Variants in SLC22A15 observed in about 807,000 individuals in gnomAD.
The protein encoded by SLC22A15 is solute carrier family 22 member 15.
Under a neutral mutation model 62.7 loss-of-function variants are expected in SLC22A15, and 45 were observed. The observed-to-expected ratio is 0.72, with a 90% CI of 0.56 to 0.92. SLC22A15 has a LOEUF of 0.92. SLC22A15 is among the 40% of genes least tolerant of loss of function. The pLI, the probability that SLC22A15 is intolerant of heterozygous loss-of-function variation, is 0.00. For missense variants in SLC22A15, 622 were observed against 665.6 expected (o/e 0.93, Z 0.72); for synonymous variants, 264 against 267.0 (o/e 0.99, Z 0.11).
intron 8 of SLC22A15, among the ~76,000 whole-genome samples, chr1:116,045,826 G>A (rs535990352): frequency 4.7e-5 from 7 of 150,456 alleles, no homozygotes; most frequent in Non-Finnish European, 8.9e-5. Flanking sequence ...ATAGATAATG[G>A]AACAGAATTG....
At chr1:116,051,594 G>A (rs79136849) in intron 8 of SLC22A15, among the ~76,000 whole-genome samples, 1,995 of 152,170 alleles carry the variant, frequency 0.013, 51 homozygotes, top group African/African-American at 0.043. Flanking sequence ...ATCTAAGACC[G>A]GAAACTATAA....
At chr1:116,016,070 CTCTT>C (rs1390905996) in intron 2 of SLC22A15, among the ~76,000 whole-genome samples, 3 of 152,110 alleles carry the variant, frequency 2.0e-5, no homozygotes, top group South Asian at 4.2e-4. Flanking sequence ...AACTTTCTTT[CTCTT>C]TCTTTTTCTT....
intron 8 of SLC22A15, among the ~76,000 whole-genome samples, chr1:116,061,440 G>A (rs1658376096): frequency 6.6e-6 from 1 of 152,148 alleles, no homozygotes; most frequent in Non-Finnish European, 1.5e-5. Context: ...TTGGTGATGA[G>A]GACATTGCTG....
intron 1 of SLC22A15, among the ~76,000 whole-genome samples, chr1:115,988,505 G>A (rs1332616303): frequency 2.0e-5 from 3 of 152,068 alleles, no homozygotes; most frequent in Non-Finnish European, 4.4e-5. Context: ...TATGACCCTT[G>A]TGTAAGTGAC....
intron 6 of SLC22A15, among the ~76,000 whole-genome samples, chr1:116,033,841 G>T (rs1657534118): frequency 6.6e-6 from 1 of 152,138 alleles, no homozygotes; most frequent in Non-Finnish European, 1.5e-5. Flanking sequence ...CCTGCCCGTT[G>T]TCCTTGGTAT....
rs758196577 is a variant in SLC22A15 at position 116,020,866 on chromosome 1, C to T, written c.579C>T (p.Thr193=). 7 of 1,611,566 alleles carry T rather than the reference C, an allele frequency of 4.3e-6. No individual in the cohort carries two copies. Among genetic ancestry groups the T allele is most frequent in the South Asian group, 1.1e-5 (1 of 90,758 alleles). ...AFVLLNECVG[T]AYWALAGSIG... The stretch of plus-strand genomic sequence containing the variant: ...TCTTGCTTAATGAATGTGTGGGCAC[C>T]GCCTACTGGGCACTTGCAGGTACTA... Residue 193 remains threonine (T), a synonymous_variant, in exon 4 of 12, where the codon ACC becomes ACT. Transcript: ENST00000369503.
intron 1 of SLC22A15, among the ~76,000 whole-genome samples, chr1:115,989,637 TG>T: frequency 6.6e-6 from 1 of 152,112 alleles, no homozygotes; most frequent in Non-Finnish European, 1.5e-5. Context: ...AAAAATTAGC[TG>T]GATGCATTGG....
At chr1:115,992,477 T>C (rs1339040252) in intron 2 of SLC22A15, among the ~76,000 whole-genome samples, 5 of 152,192 alleles carry the variant, frequency 3.3e-5, no homozygotes, top group African/African-American at 9.6e-5. Context: ...GATGAAAAGA[T>C]ACAAACTCCA....
At chr1:116,046,607 A>G (rs954550364) in intron 8 of SLC22A15, among the ~76,000 whole-genome samples, 1 of 152,152 alleles carries the variant, frequency 6.6e-6, no homozygotes, top group Non-Finnish European at 1.5e-5. Context: ...GGCTCGCATC[A>G]TGAACTTTAG....
In SLC22A15 at chr1:116,019,730, A is replaced by G; in HGVS notation, c.433+16A>G. On this transcript the variant is annotated intron_variant, in intron 3 of 11. Coordinates refer to ENST00000369503, the MANE Select transcript of SLC22A15 (RefSeq NM_018420.3). ...TATCTCACAGGTAATCTATTAGAGT[A>G]TTCATAAACTGGATGAGAGGGCTTA... 1 of 1,598,090 alleles carries G rather than the reference A, an allele frequency of 6.3e-7. No homozygotes were observed. Among genetic ancestry groups the G allele is most frequent in the Non-Finnish European group, 8.5e-7 (1 of 1,175,882 alleles).
At chr1:116,004,053 T>C (rs745856473) in intron 2 of SLC22A15, among the ~76,000 whole-genome samples, 1 of 152,228 alleles carries the variant, frequency 6.6e-6, no homozygotes, top group Non-Finnish European at 1.5e-5. Flanking sequence ...TTATCATGAC[T>C]GCTTCCTTAC....
At chr1:116,053,633 A>T (rs1404757642) in intron 8 of SLC22A15, among the ~76,000 whole-genome samples, 3 of 152,194 alleles carry the variant, frequency 2.0e-5, no homozygotes, top group Non-Finnish European at 4.4e-5. Context: ...TGAAGGAAAA[A>T]ATGTTAAGGG....
chr1:116,066,759 A>G, intron 11 of SLC22A15, 51 bp downstream of exon 11: 1 of 1,507,080 alleles, frequency 6.6e-7, no homozygotes, highest in Non-Finnish European at 8.9e-7. Context: ...GCAGTTAATG[A>G]AAAAAAGAAG....
At position 116,019,660 on chromosome 1, in the gene SLC22A15, A is replaced by G. The variant is rs374806330; in HGVS notation, c.379A>G (p.Ile127Val). The G allele has an allele frequency of 1.2e-6, 2 of 1,613,684 alleles. No individual in the cohort carries two copies. Among genetic ancestry groups the G allele is most frequent in the South Asian group, 2.2e-5 (2 of 90,996 alleles). The change falls in exon 3 of 12, where the codon ATC becomes GTC. Residue 127 changes from isoleucine to valine, a missense_variant. Physicochemically the swap from Ile to Val is conservative, Grantham distance 29 (BLOSUM62 3). Transcript: ENST00000369503. Reference sequence around the variant, plus strand: ...CTTCAGTGGTGTATTTGTTGGAGTTATCTCTTTTGGTCAGCTTTCAGATCG... The same window carrying G: ...CTTCAGTGGTGTATTTGTTGGAGTTGTCTCTTTTGGTCAGCTTTCAGATCG... ...FFFSGVFVGV[I>V]SFGQLSDRFG...
intron 8 of SLC22A15, among the ~76,000 whole-genome samples, chr1:116,052,111 C>T (rs1000625986): frequency 2.0e-5 from 3 of 152,228 alleles, no homozygotes; most frequent in Non-Finnish European, 4.4e-5. Context: ...CATTGCCTCA[C>T]TCGGGAAGTG....
At chr1:115,981,282 G>A (rs924678188) in intron 1 of SLC22A15, among the ~76,000 whole-genome samples, 7 of 152,222 alleles carry the variant, frequency 4.6e-5, no homozygotes, top group Admixed American at 3.9e-4. Flanking sequence ...GCCATGATGA[G>A]AACCTATGGT....
chr1:116,032,558 C>A (rs1657459112), intron 6 of SLC22A15: 2 of 985,272 alleles, frequency 2.0e-6, no homozygotes, highest in Non-Finnish European at 2.4e-6. Flanking sequence ...AGATATTTTT[C>A]TATATCATAT....
chr1:116,056,668 A>G (rs975914071), intron 8 of SLC22A15, among the ~76,000 whole-genome samples: 8 of 152,232 alleles, frequency 5.3e-5, no homozygotes, highest in East Asian at 1.9e-4. Context: ...CTACAAGGCT[A>G]CAGTAACCAA....
chr1:116,053,794 C>T (rs981700576), intron 8 of SLC22A15, among the ~76,000 whole-genome samples: 4 of 151,680 alleles, frequency 2.6e-5, no homozygotes, highest in Middle Eastern at 3.2e-3. Context: ...ATTTCATATC[C>T]AGCCAAACTA....
Sources: gnomAD v4.1 joint callset for allele counts (sites outside exome capture counted in the v4.1 genomes callset) on GRCh38, gnomAD v4.1.1 for gene constraint, MANE v1.5 for transcripts, NCBI Gene and HGNC (gene_info 2026-07-23, HGNC 2026-07-21) for gene names.